The following PCDH7 variants were observed in gnomAD, a reference collection of about 807,000 sequenced individuals.
PCDH7 encodes protocadherin-7.
A neutral mutation model predicts 58.9 loss-of-function variants in PCDH7; 17 were observed. That is an observed-to-expected ratio of 0.29 (90% confidence interval 0.20 to 0.43). The LOEUF (loss-of-function observed/expected upper bound fraction) is 0.43. PCDH7 is among the 20% of genes least tolerant of loss of function. The pLI is 1.00. For synonymous variants in PCDH7, 664 were observed against 616.4 expected (o/e 1.08, Z -1.14); for missense variants, 1,274 against 1,441.0 (o/e 0.88, Z 1.88).
intron 1 of PCDH7, among the ~76,000 whole-genome samples, chr4:30,766,595 A>G (rs1720781737): frequency 6.6e-6 from 1 of 152,054 alleles, no homozygotes; most frequent in African/African-American, 2.4e-5. Flanking sequence ...ATTTATAGGC[A>G]TCATATAATA....
chr4:30,993,389 C>T (rs187472179), intron 3 of PCDH7, among the ~76,000 whole-genome samples: 21 of 152,224 alleles, frequency 1.4e-4, no homozygotes, highest in Admixed American at 3.9e-4. Flanking sequence ...ATGCTCCATA[C>T]GTCTAATGAA....
intron 1 of PCDH7, among the ~76,000 whole-genome samples, chr4:30,841,695 C>T (rs1192173257): frequency 2.0e-5 from 3 of 152,016 alleles, no homozygotes; most frequent in Non-Finnish European, 1.5e-5. Flanking sequence ...TAAAATAACA[C>T]ATATACCCTA....
chr4:30,938,985 A>G (rs1745705309), intron 2 of PCDH7, among the ~76,000 whole-genome samples: 1 of 152,150 alleles, frequency 6.6e-6, no homozygotes, highest in Admixed American at 6.6e-5. Context: ...ATTTTAGAGT[A>G]TTTCAAAATA....
At chr4:30,991,413 A>G (rs552075737) in intron 3 of PCDH7, among the ~76,000 whole-genome samples, 2 of 152,356 alleles carry the variant, frequency 1.3e-5, no homozygotes, top group African/African-American at 4.8e-5. Flanking sequence ...GAGGCTAGAC[A>G]AGAAGAAAAG....
chr4:30,844,191 A>C (rs995745337), intron 1 of PCDH7, among the ~76,000 whole-genome samples: 3 of 152,158 alleles, frequency 2.0e-5, no homozygotes, highest in African/African-American at 7.2e-5. Flanking sequence ...TGTTTCTGTT[A>C]ACTCCTGTTA....
intron 3 of PCDH7, among the ~76,000 whole-genome samples, chr4:30,996,088 ATCCATGTGTCT>A (rs1751876050): frequency 6.6e-6 from 1 of 152,162 alleles, no homozygotes; most frequent in Admixed American, 6.5e-5. Context: ...ATATATAAAA[ATCCATGTGTCT>A]TCTTTCTATC....
At chr4:30,994,562 C>T (rs895228338) in intron 3 of PCDH7, among the ~76,000 whole-genome samples, 13 of 152,086 alleles carry the variant, frequency 8.5e-5, no homozygotes, top group African/African-American at 2.9e-4. Context: ...TCTAATATGC[C>T]TTCCTGAAGG....
chr4:30,993,802 C>T (rs1398420272), intron 3 of PCDH7, among the ~76,000 whole-genome samples: 1 of 150,830 alleles, frequency 6.6e-6, no homozygotes, highest in Non-Finnish European at 1.5e-5. Flanking sequence ...AACATTTATT[C>T]AACTGTAAAT....
rs780902871 is a variant in PCDH7, at chr4:30,721,597, A to C, written c.175A>C (p.Thr59Pro). The C allele has an allele frequency of 6.2e-7, 1 of 1,611,340 alleles. No individual in the cohort carries two copies. The highest frequency in any genetic ancestry group is 8.5e-7 in the Non-Finnish European group (1 of 1,179,882). ...CGTGGCTTCAGACCTGGGCATCGTG[A>C]CCGGATCGGGTGAGGTGACTTTCAG... The change falls in exon 1 of 2, where the codon ACC (threonine) becomes CCC (proline). Residue 59 changes from threonine (T) to proline (P), a missense_variant. Thr to Pro is a conservative substitution (Grantham distance 38). This residue lies in a region of PCDH7 where 212 missense variants were observed against 255.8 expected (regional missense o/e 0.83). Coordinates refer to ENST00000361762, the Ensembl canonical transcript of PCDH7. The surrounding 1 kb of genome is among the most constrained non-coding windows in gnomAD (Gnocchi z 6.7).
At chr4:30,839,034 G>A (rs1425630312) in intron 1 of PCDH7, among the ~76,000 whole-genome samples, 1 of 151,822 alleles carries the variant, frequency 6.6e-6, no homozygotes, top group Admixed American at 6.6e-5. Context: ...TAGAGCACTA[G>A]TATGAAAGGG....
At chr4:31,124,136 C>A (rs974509542) in intron 3 of PCDH7, among the ~76,000 whole-genome samples, 3 of 152,092 alleles carry the variant, frequency 2.0e-5, no homozygotes, top group African/African-American at 7.2e-5. Flanking sequence ...TCATTAGGGC[C>A]GTGAGTCCAG....
intron 1 of PCDH7, among the ~76,000 whole-genome samples, chr4:30,771,832 A>C (rs1173633921): frequency 6.6e-6 from 1 of 152,110 alleles, no homozygotes; most frequent in African/African-American, 2.4e-5. Flanking sequence ...AAAGTGATAG[A>C]AGAAGAAGGG....
At chr4:31,076,213 G>A (rs10939328) in intron 3 of PCDH7, among the ~76,000 whole-genome samples, 101,177 of 151,994 alleles carry the variant, frequency 0.67, 35,737 homozygotes, top group African/African-American at 0.91. Flanking sequence ...CAGCTCTGGC[G>A]TACTCATCAA....
chr4:30,962,581 G>C (rs1748546102), intron 3 of PCDH7, among the ~76,000 whole-genome samples: 1 of 151,868 alleles, frequency 6.6e-6, no homozygotes, highest in Non-Finnish European at 1.5e-5. Flanking sequence ...GAGCCCAGGA[G>C]TTTGAGACCA....
Position 30,721,518 on chromosome 4 carries a change from G to C in PCDH7, c.96G>C (p.Gln32His), listed in dbSNP as rs139222024. The change falls in exon 1 of 2, where the codon CAG (glutamine) becomes CAC (histidine). Residue 32 changes from glutamine to histidine, a missense_variant. Physicochemically the swap from Gln to His is conservative, Grantham distance 24. Transcript: ENST00000361762. The surrounding 1 kb of genome is among the most constrained non-coding windows in gnomAD (Gnocchi z 6.7). ...CGCTCAGCCTGGCGGCCGCCAAGCA[G>C]CTCCTCCGGTACCGGCTGGCCGAGG... 2.3e-4 allele frequency: 372 copies of C among 1,600,968 alleles called. No individual in the cohort carries two copies. The highest frequency in any genetic ancestry group is 3.3e-4 in the Middle Eastern group (2 of 6,074).
At chr4:30,912,156 G>A in intron 1 of PCDH7, among the ~76,000 whole-genome samples, 1 of 152,166 alleles carries the variant, frequency 6.6e-6, no homozygotes, top group East Asian at 1.9e-4. Flanking sequence ...AAGAAAGGCA[G>A]TTTGAAGTAT....
At chr4:30,736,932 A>G (rs1035866814), downstream of PCDH7, among the ~76,000 whole-genome samples, 1 of 152,146 alleles carries the variant, frequency 6.6e-6, no homozygotes, top group African/African-American at 2.4e-5. Context: ...AGTTTTTAAC[A>G]CTAACCCCTA....
Position 31,032,437 on chromosome 4 carries a change from G to A in PCDH7, c.*7+82222G>A, listed in dbSNP as rs370859603. 1.9e-4 allele frequency among the ~76,000 whole-genome samples: 29 copies of A among 151,956 alleles called. 1 individual carries two copies. The highest frequency in any genetic ancestry group is 1.6e-3 in the East Asian group (8 of 5,150). ...AAACTGGCCAACATGGCGAGACCTC[G>A]TCTCTACTAAAAATACAAAAATTAG... On this transcript the variant is annotated intron_variant, in intron 3 of 3. Coordinates refer to the PCDH7 transcript ENST00000509759.
chr4:31,122,117 C>T (rs1181135194), intron 3 of PCDH7, among the ~76,000 whole-genome samples: 1 of 152,018 alleles, frequency 6.6e-6, no homozygotes, highest in Non-Finnish European at 1.5e-5. Flanking sequence ...GTACTGTTTT[C>T]CAAATTTCAT....
Sources: gnomAD v4.1 joint callset for allele counts (sites outside exome capture counted in the v4.1 genomes callset) on GRCh38, gnomAD v4.1.1 for gene constraint, gnomAD v4.1.1 regional missense constraint, Gnocchi (gnomAD v3.1) non-coding constraint, MANE v1.5 for transcripts, NCBI Gene and HGNC (gene_info 2026-07-23, HGNC 2026-07-21) for gene names.